The following ZDHHC3 variants were observed in gnomAD, a reference collection of about 807,000 sequenced individuals.
ZDHHC3 encodes palmitoyltransferase ZDHHC3.
In ZDHHC3, 9 loss-of-function variants were observed where a neutral mutation model predicts 30.6. The observed-to-expected ratio is 0.29, with a 90% CI of 0.18 to 0.51. The LOEUF (loss-of-function observed/expected upper bound fraction) is 0.51, where lower values mean the gene tolerates loss of function less well. Among genes scored for constraint, ZDHHC3 ranks in the 20% least tolerant of loss-of-function variants. The pLI is 0.97. For missense variants in ZDHHC3, 246 were observed against 384.2 expected (o/e 0.64, Z 3.01); for synonymous variants, 136 against 140.2 (o/e 0.97, Z 0.21).
intron 3 of ZDHHC3, among the ~76,000 whole-genome samples, chr3:44,936,641 A>G (rs1038979520): frequency 2.6e-5 from 4 of 152,234 alleles, no homozygotes; most frequent in Non-Finnish European, 5.9e-5. Flanking sequence ...CAGATTGACT[A>G]GAGATGTGGT....
chr3:44,926,702 T>C lies in ZDHHC3; in HGVS notation c.887A>G (p.Gln296Arg). The change falls in exon 7 of 7, where the codon CAG becomes CGG. Residue 296 changes from glutamine (Q) to arginine (R), a missense_variant. Transcript: ENST00000424952. Reference protein sequence around the residue: ...TPDQGKADPYQYVV With the variant: ...TPDQGKADPYRYVV ...GGTCGGGGTCCTTCAGACCACATAC[T>C]GGTACGGGTCTGCCTTCCCTTGGTC... The C allele has an allele frequency of 6.2e-7, 1 of 1,608,168 alleles. No individual in the cohort carries two copies. The highest frequency in any genetic ancestry group is 8.5e-7 in the Non-Finnish European group (1 of 1,178,086).
chr3:44,950,747 C>T (rs150092371), intron 2 of ZDHHC3, among the ~76,000 whole-genome samples: 2 of 152,312 alleles, frequency 1.3e-5, no homozygotes, highest in African/African-American at 4.8e-5. Context: ...CTTTTGGGCT[C>T]ATCTCCACAG....
At chr3:44,937,023 T>C (rs1436336320) in intron 3 of ZDHHC3, among the ~76,000 whole-genome samples, 3 of 152,174 alleles carry the variant, frequency 2.0e-5, no homozygotes, top group African/African-American at 4.8e-5. Context: ...GACAATTTTT[T>C]TTCAATTCAT....
chr3:44,944,186 G>T lies in ZDHHC3; in HGVS notation c.431+982C>A, dbSNP rs561451783. Among the ~76,000 whole-genome samples, 4 of 151,830 alleles carry T rather than the reference G, an allele frequency of 2.6e-5. No homozygotes were observed. The South Asian group carries it at 8.3e-4, about 32-fold the overall frequency. On this transcript the variant is annotated intron_variant, in intron 3 of 6. Coordinates refer to ENST00000424952, the MANE Select transcript of ZDHHC3 (RefSeq NM_001135179.2). The stretch of plus-strand genomic sequence containing the variant: ...TTTTTTGAGATGGAGTTTCACTCTT[G>T]TTGCCCAGGCTGGACTGCAATGGCA...
chr3:44,966,856 TA>T (rs941092924), intron 1 of ZDHHC3, among the ~76,000 whole-genome samples: 1 of 152,326 alleles, frequency 6.6e-6, no homozygotes, highest in African/African-American at 2.4e-5. Flanking sequence ...GATGAGTCAC[TA>T]AACTTTTTCA....
Position 44,959,448 on chromosome 3 carries a change from T to C in ZDHHC3, c.-12A>G, listed in dbSNP as rs755923621. On this transcript the variant is annotated 5_prime_UTR_variant, in exon 2 of 7. Transcript: ENST00000424952. The surrounding 1 kb of genome is among the most constrained non-coding windows in gnomAD (Gnocchi z 4.3). ...GGGATAAGCATCATAAGCTATTCTGTCCATACTGGCATCTGAAAGAGAGAG... is the reference window on the plus strand; with the variant it reads ...GGGATAAGCATCATAAGCTATTCTGCCCATACTGGCATCTGAAAGAGAGAG... The C allele has an allele frequency of 6.2e-7, 1 of 1,606,160 alleles. No homozygotes were observed. The highest frequency in any genetic ancestry group is 2.2e-5 in the East Asian group (1 of 44,666).
intron 1 of ZDHHC3, among the ~76,000 whole-genome samples, chr3:44,972,380 T>C (rs1377175366): frequency 2.0e-5 from 3 of 152,184 alleles, no homozygotes; most frequent in African/African-American, 4.8e-5. Context: ...CAAGAATTGC[T>C]TGAACCCAGG....
Position 44,959,569 on chromosome 3 carries a change from G to T in ZDHHC3, c.-24-109C>A. On this transcript the variant is annotated intron_variant, in intron 1 of 6. Coordinates refer to ENST00000424952, the MANE Select transcript of ZDHHC3 (RefSeq NM_001135179.2). This position sits in a 1 kb window ranked among gnomAD's most constrained non-coding sequence, Gnocchi z 4.3. ...GTGATTACTTATCTGCAACCCCTGT[G>T]TGCAAAGCCACCTAATCACCTTGTT... is the stretch of plus-strand genomic sequence containing the variant. The T allele has an allele frequency of 2.3e-6, 2 of 855,516 alleles. No individual in the cohort carries two copies. Among genetic ancestry groups the T allele is most frequent in the Middle Eastern group, 3.5e-4 (1 of 2,858 alleles). The allele number at this position is 855,516 out of a possible 1,614,324, so 53.0% of individuals were successfully genotyped here.
intron 1 of ZDHHC3, among the ~76,000 whole-genome samples, chr3:44,969,164 T>C (rs1462427539): frequency 6.6e-6 from 1 of 152,206 alleles, no homozygotes; most frequent in Non-Finnish European, 1.5e-5. Context: ...ATCCAGTGCA[T>C]GATCTCATTT....
Position 44,959,546 on chromosome 3 carries a change from G to C in ZDHHC3, c.-24-86C>G. On this transcript the variant is annotated intron_variant, in intron 1 of 6. Coordinates refer to ENST00000424952, the MANE Select transcript of ZDHHC3 (RefSeq NM_001135179.2). The surrounding 1 kb of genome is among the most constrained non-coding windows in gnomAD (Gnocchi z 4.3). ...CAAAATTGCTCCCATAGTGAGTTGTGATTACTTATCTGCAACCCCTGTGTG... is the reference window on the plus strand; with the variant it reads ...CAAAATTGCTCCCATAGTGAGTTGTCATTACTTATCTGCAACCCCTGTGTG... The C allele has an allele frequency of 8.3e-7, 1 of 1,207,566 alleles. No homozygotes were observed. Among genetic ancestry groups the C allele is most frequent in the Non-Finnish European group, 1.2e-6 (1 of 860,314 alleles). The allele number at this position is 1,207,566 out of a possible 1,614,324, so 74.8% of individuals were successfully genotyped here.
At chr3:44,953,921 T>C (rs1703695356) in intron 2 of ZDHHC3, among the ~76,000 whole-genome samples, 3 of 152,254 alleles carry the variant, frequency 2.0e-5, no homozygotes, top group Admixed American at 1.3e-4. Context: ...ATCCAGCACC[T>C]GGCCTGCTGT....
chr3:44,974,261 AG>A (rs144583807), intron 1 of ZDHHC3, among the ~76,000 whole-genome samples: 2,196 of 152,270 alleles, frequency 0.014, 48 homozygotes, highest in Non-Finnish European at 0.018. Flanking sequence ...GTCAATTGTG[AG>A]GGGGGGACAG....
chr3:44,953,241 A>C (rs1019129214), intron 2 of ZDHHC3, among the ~76,000 whole-genome samples: 1 of 152,238 alleles, frequency 6.6e-6, no homozygotes, highest in Non-Finnish European at 1.5e-5. Flanking sequence ...CCAAGTCTAG[A>C]ACCTATGTCA....
At position 44,926,620 on chromosome 3, in the gene ZDHHC3, T is replaced by A. The variant is rs556486492; in HGVS notation, c.*69A>T. On this transcript the variant is annotated 3_prime_UTR_variant, in exon 7 of 7. Coordinates refer to ENST00000424952, the MANE Select transcript of ZDHHC3 (RefSeq NM_001135179.2). ...TTTGCTTTTTCGATTTAAACATTCATGAGAACGGATGGGACGGTAGTGCTG... is the reference window on the plus strand; with the variant it reads ...TTTGCTTTTTCGATTTAAACATTCAAGAGAACGGATGGGACGGTAGTGCTG... The A allele has an allele frequency of 2.2e-6, 3 of 1,376,510 alleles. No individual in the cohort carries two copies. The highest frequency in any genetic ancestry group is 5.3e-5 in the East Asian group (2 of 37,846). 85.3% of individuals were successfully genotyped at this position (1,376,510 alleles called of 1,614,324 possible).
rs1700750653 is a variant in ZDHHC3 at position 44,923,408 on chromosome 3, A to G, written c.*3281T>C. ...CCGCGCCCGGCTTAAAATGTTTGTTAATTTACCTCACCTAAACGGTTTCTG... is the reference window on the plus strand; with the variant it reads ...CCGCGCCCGGCTTAAAATGTTTGTTGATTTACCTCACCTAAACGGTTTCTG... On this transcript the variant is annotated 3_prime_UTR_variant, in exon 7 of 7. Coordinates refer to ENST00000424952, the MANE Select transcript of ZDHHC3 (RefSeq NM_001135179.2). The G allele has an allele frequency of 3.0e-6, 3 of 985,126 alleles. No homozygotes were observed. Among genetic ancestry groups the G allele is most frequent in the Non-Finnish European group, 3.6e-6 (3 of 829,918 alleles). 61.0% of individuals were successfully genotyped at this position (985,126 alleles called of 1,614,324 possible).
In ZDHHC3 at chr3:44,926,274, GAGGTC is replaced by G; in HGVS notation, c.*410_*414del. 2.0e-6 allele frequency: 2 copies of G among 988,432 alleles called. No homozygotes were observed. Among genetic ancestry groups the G allele is most frequent in the Non-Finnish European group, 2.4e-6 (2 of 832,020 alleles). 61.2% of individuals were successfully genotyped at this position (988,432 alleles called of 1,614,324 possible). On this transcript the variant is annotated 3_prime_UTR_variant, in exon 7 of 7. Transcript: ENST00000424952. ...CCCGCCACTGCCTCCTGGGCAGTGG[GAGGTC>G]AGGGCCCTCCTGGCTTTCCCATGCA...
At chr3:44,928,975 C>A (rs1701243629) in intron 6 of ZDHHC3, among the ~76,000 whole-genome samples, 2 of 152,286 alleles carry the variant, frequency 1.3e-5, no homozygotes, top group Middle Eastern at 3.4e-3. Context: ...GGGAAGGGTG[C>A]CCTCAGTGCC....
At position 44,916,264 on chromosome 3, in the gene ZDHHC3, C is replaced by T. The variant is rs1700157775; in HGVS notation, c.*10425G>A. The T allele has an allele frequency of 6.6e-6, 1 of 152,192 alleles. No homozygotes were observed. Among genetic ancestry groups the T allele is most frequent in the Non-Finnish European group, 1.5e-5 (1 of 68,064 alleles). The allele number at this position is 152,192 out of a possible 1,614,324, so 9.4% of individuals were successfully genotyped here. A position where few individuals can be genotyped will look rare whatever the true frequency, so the allele number is the denominator to read the frequency against. ...CACTGGGCCCTTTGAGCAATTAACC[C>T]CAGGCCCTAGTGGGTCATCAGTTGT... On this transcript the variant is annotated 3_prime_UTR_variant, in exon 7 of 7. Coordinates refer to ENST00000424952, the MANE Select transcript of ZDHHC3 (RefSeq NM_001135179.2).
chr3:44,925,059 T>C lies in ZDHHC3; in HGVS notation c.*1630A>G, dbSNP rs1700874479. Reference sequence around the variant, plus strand: ...AAACAAAAAAAATAAAGTATCCTCATTCAAGAGACAGAGCAATGAAACAAA... The same window carrying C: ...AAACAAAAAAAATAAAGTATCCTCACTCAAGAGACAGAGCAATGAAACAAA... On this transcript the variant is annotated 3_prime_UTR_variant, in exon 7 of 7. Transcript: ENST00000424952. 1 of 985,746 alleles carries C rather than the reference T, an allele frequency of 1.0e-6. No individual in the cohort carries two copies. Among genetic ancestry groups the C allele is most frequent in the African/African-American group, 1.7e-5 (1 of 57,246 alleles). The allele number at this position is 985,746 out of a possible 1,614,324, so 61.1% of individuals were successfully genotyped here. A position where few individuals can be genotyped will look rare whatever the true frequency, so the allele number is the denominator to read the frequency against.
Sources: allele counts gnomAD v4.1 joint callset (sites outside exome capture counted in the v4.1 genomes callset), GRCh38; gene constraint gnomAD v4.1.1; non-coding constraint Gnocchi (gnomAD v3.1); transcripts MANE v1.5; gene names NCBI Gene and HGNC (gene_info 2026-07-23, HGNC 2026-07-21).